The following ROBO2 variants were observed in gnomAD, a reference collection of about 807,000 sequenced individuals.
ROBO2 encodes roundabout homolog 2.
In ROBO2, 53 loss-of-function variants were observed where a neutral mutation model predicts 160.8. The observed-to-expected ratio is 0.33, with a 90% CI of 0.26 to 0.41. The LOEUF (loss-of-function observed/expected upper bound fraction) is 0.41. Ranked by LOEUF, ROBO2 falls within the 10% of genes least tolerant of loss-of-function variation. The probability of loss-of-function intolerance (pLI) is 1.00; values close to 1 mark genes in which losing one functional copy is unlikely to be tolerated. For missense variants in ROBO2, 1,577 were observed against 1,722.4 expected, an observed-to-expected ratio of 0.92 and a Z score of 1.49; for synonymous variants, 664 against 611.7, an observed-to-expected ratio of 1.09 and a Z score of -1.26.
chr3:75,993,422 C>T (rs1412089013), intron 2 of ROBO2, among the ~76,000 whole-genome samples: 1 of 152,050 alleles, frequency 6.6e-6, no homozygotes, highest in East Asian at 1.9e-4. Flanking sequence ...TTTGACTTAC[C>T]CTGCTTTCCT....
At chr3:76,003,760 T>A (rs1407523769) in intron 2 of ROBO2, among the ~76,000 whole-genome samples, 1 of 152,216 alleles carries the variant, frequency 6.6e-6, no homozygotes, top group Non-Finnish European at 1.5e-5. Context: ...TTGGCATCCA[T>A]CAGGGTGCTA....
At chr3:76,092,075 G>C (rs1012234654) in intron 2 of ROBO2, among the ~76,000 whole-genome samples, 1 of 152,130 alleles carries the variant, frequency 6.6e-6, no homozygotes, top group African/African-American at 2.4e-5. Context: ...GACTTTGAGT[G>C]ATAACAATGT....
At chr3:77,164,944 T>G (rs2078916059) in intron 2 of ROBO2, among the ~76,000 whole-genome samples, 2 of 119,490 alleles carry the variant, frequency 1.7e-5, no homozygotes, top group Non-Finnish European at 1.7e-5. Context: ...GTGGGGGCGG[T>G]CAGCCCCCCA....
intron 2 of ROBO2, among the ~76,000 whole-genome samples, chr3:77,419,874 T>G (rs2077560913): frequency 6.6e-6 from 1 of 152,258 alleles, no homozygotes; most frequent in East Asian, 1.9e-4. Context: ...ATTTTTCAAG[T>G]ATGACCACCA....
At chr3:76,742,708 G>T (rs2093821921) in intron 2 of ROBO2, among the ~76,000 whole-genome samples, 1 of 151,502 alleles carries the variant, frequency 6.6e-6, no homozygotes, top group South Asian at 2.1e-4. Context: ...TTTTTTTCTG[G>T]ATAAATAAGG....
intron 2 of ROBO2, among the ~76,000 whole-genome samples, chr3:76,834,493 C>A (rs1352274150): frequency 6.6e-6 from 1 of 152,044 alleles, no homozygotes; most frequent in Non-Finnish European, 1.5e-5. Context: ...ATGCCTCAGC[C>A]TTGCATGTAG....
intron 1 of ROBO2, among the ~76,000 whole-genome samples, chr3:75,928,861 CGT>C (rs60525375): frequency 0.089 from 9,655 of 108,860 alleles, 424 homozygotes; most frequent in South Asian, 0.11. Context: ...CTGGATAAGA[CGT>C]GTGTGTGTGT....
chr3:76,363,944 T>C (rs1356134038), intron 2 of ROBO2, among the ~76,000 whole-genome samples: 1 of 152,102 alleles, frequency 6.6e-6, no homozygotes, highest in African/African-American at 2.4e-5. Flanking sequence ...CACAGAAAGC[T>C]CAGGCAGTAA....
At chr3:77,494,201 T>C (rs573124212) in intron 5 of ROBO2, among the ~76,000 whole-genome samples, 3 of 152,344 alleles carry the variant, frequency 2.0e-5, no homozygotes, top group Admixed American at 2.0e-4. Context: ...TACCTGCTGA[T>C]ATTATAACCA....
chr3:76,934,301 C>T (rs145289198), intron 2 of ROBO2, among the ~76,000 whole-genome samples: 1,572 of 151,862 alleles, frequency 0.01, 19 homozygotes, highest in Non-Finnish European at 0.015. Flanking sequence ...TCTTTCAAAA[C>T]GTGATGATTC....
At chr3:76,247,992 C>A (rs1490987866) in intron 2 of ROBO2, among the ~76,000 whole-genome samples, 1 of 151,528 alleles carries the variant, frequency 6.6e-6, no homozygotes, top group Non-Finnish European at 1.5e-5. Context: ...CAGGAAACAA[C>A]AGGTGCTGGA....
At chr3:76,062,804 A>G (rs1435578868) in intron 2 of ROBO2, among the ~76,000 whole-genome samples, 1 of 152,174 alleles carries the variant, frequency 6.6e-6, no homozygotes, top group Non-Finnish European at 1.5e-5. Flanking sequence ...TTTCCCCCAG[A>G]TAATGCCTTC....
At chr3:76,452,323 C>T (rs1050524377) in intron 2 of ROBO2, among the ~76,000 whole-genome samples, 2 of 152,018 alleles carry the variant, frequency 1.3e-5, no homozygotes, top group Non-Finnish European at 2.9e-5. Context: ...GCTATCCCTC[C>T]CCCTTCCCCC....
At chr3:77,195,733 T>G (rs772827356) in intron 2 of ROBO2, among the ~76,000 whole-genome samples, 5 of 152,218 alleles carry the variant, frequency 3.3e-5, no homozygotes, top group African/African-American at 4.8e-5. Context: ...AAAATTATAT[T>G]ACAAGAAGAA....
intron 2 of ROBO2, among the ~76,000 whole-genome samples, chr3:76,323,699 T>C (rs1410639790): frequency 3.9e-5 from 6 of 152,256 alleles, no homozygotes; most frequent in Admixed American, 3.9e-4. Context: ...AGAAAAAGTT[T>C]CAAGCTGTTT....
chr3:77,334,534 A>G (rs370107969), intron 2 of ROBO2, among the ~76,000 whole-genome samples: 2 of 152,290 alleles, frequency 1.3e-5, no homozygotes, highest in South Asian at 2.1e-4. Flanking sequence ...TCATTCATAC[A>G]TCACATATAT....
chr3:77,472,753 G>A (rs2083485317), intron 2 of ROBO2, among the ~76,000 whole-genome samples: 1 of 152,022 alleles, frequency 6.6e-6, no homozygotes, highest in African/African-American at 2.4e-5. Context: ...TATTTGACAA[G>A]CAATCGTATA....
At chr3:77,153,285 A>G (rs1241679755) in intron 2 of ROBO2, among the ~76,000 whole-genome samples, 1 of 152,030 alleles carries the variant, frequency 6.6e-6, no homozygotes, top group Non-Finnish European at 1.5e-5. Context: ...TTATATGTCT[A>G]TTCAGATTTT....
chr3:77,466,713 T>G (rs2082799398), intron 2 of ROBO2, among the ~76,000 whole-genome samples: 1 of 152,162 alleles, frequency 6.6e-6, no homozygotes, highest in South Asian at 2.1e-4. Context: ...TTGACCTTCT[T>G]TTCCTTTCAA....
Sources: allele counts gnomAD v4.1 joint callset (sites outside exome capture counted in the v4.1 genomes callset), GRCh38; gene constraint gnomAD v4.1.1; transcripts MANE v1.5; gene names NCBI Gene and HGNC (gene_info 2026-07-23, HGNC 2026-07-21).